Variants in ANTXR1 observed in about 807,000 individuals in gnomAD.
ANTXR1 encodes the protein anthrax toxin receptor 1.
Under a neutral mutation model 78.1 loss-of-function variants are expected in ANTXR1, and 19 were observed. The observed-to-expected ratio is 0.24, with a 90% confidence interval of 0.17 to 0.36. The LOEUF is 0.36. ANTXR1 is among the 10% of genes least tolerant of loss of function. ANTXR1 has a pLI of 1.00. For synonymous variants in ANTXR1, 273 were observed against 260.5 expected (o/e 1.05, Z -0.46); for missense variants, 518 against 718.6 (o/e 0.72, Z 3.19).
intron 1 of ANTXR1, among the ~76,000 whole-genome samples, chr2:69,019,419 T>C (rs59420176): frequency 0.024 from 3,638 of 152,268 alleles, 138 homozygotes; most frequent in African/African-American, 0.083. Context: ...TGTGAATTAT[T>C]TTACTGTTTC....
intron 8 of ANTXR1, among the ~76,000 whole-genome samples, chr2:69,087,680 G>A (rs150236198): frequency 7.9e-5 from 12 of 152,180 alleles, no homozygotes; most frequent in African/African-American, 2.6e-4. Context: ...GCCTTACCCT[G>A]TGTAAGTCTC....
chr2:69,084,737 C>T (rs1328233687), intron 8 of ANTXR1, among the ~76,000 whole-genome samples: 1 of 151,372 alleles, frequency 6.6e-6, no homozygotes, highest in Non-Finnish European at 1.5e-5. Flanking sequence ...GGCCATATTC[C>T]ATTTTTATTT....
intron 17 of ANTXR1, among the ~76,000 whole-genome samples, chr2:69,209,234 C>T (rs1441999144): frequency 1.3e-5 from 2 of 152,182 alleles, no homozygotes; most frequent in South Asian, 2.1e-4. Flanking sequence ...ATATTATCCT[C>T]ACTTTACAAA....
At chr2:69,070,226 C>T (rs866722720) in intron 3 of ANTXR1, among the ~76,000 whole-genome samples, 20 of 152,192 alleles carry the variant, frequency 1.3e-4, no homozygotes, top group Non-Finnish European at 2.2e-4. Context: ...GGATGCCACC[C>T]TCTTCCACCT....
chr2:69,210,389 T>TA (rs1675011328), intron 17 of ANTXR1, among the ~76,000 whole-genome samples: 3 of 152,230 alleles, frequency 2.0e-5, no homozygotes, highest in Admixed American at 2.0e-4. Flanking sequence ...TCAAGGTGAA[T>TA]AAGGAGGCCT....
intron 17 of ANTXR1, among the ~76,000 whole-genome samples, chr2:69,215,994 C>G (rs1295846492): frequency 6.6e-6 from 1 of 152,008 alleles, no homozygotes; most frequent in Non-Finnish European, 1.5e-5. Context: ...CTGTCAGGGG[C>G]CTGAAGAGTG....
intron 14 of ANTXR1, among the ~76,000 whole-genome samples, chr2:69,179,450 A>G (rs1197112309): frequency 1.3e-5 from 2 of 150,908 alleles, no homozygotes; most frequent in African/African-American, 4.9e-5. Context: ...AGGCAGGCTG[A>G]GGTGAGAGAA....
At chr2:69,183,115 ACTAT>A (rs1041844667) in intron 16 of ANTXR1, 1 of 200,974 alleles carries the variant, frequency 5.0e-6, no homozygotes, top group African/African-American at 2.4e-5. Flanking sequence ...CAGACAATCT[ACTAT>A]CTAAGAAAAA....
intron 17 of ANTXR1, among the ~76,000 whole-genome samples, chr2:69,225,234 T>C (rs1417168328): frequency 2.0e-5 from 3 of 152,214 alleles, no homozygotes; most frequent in Non-Finnish European, 4.4e-5. Context: ...TGGATGCCAG[T>C]GTCCAGGGAA....
intron 16 of ANTXR1, among the ~76,000 whole-genome samples, chr2:69,189,295 G>A (rs1674497924): frequency 6.6e-6 from 1 of 152,192 alleles, no homozygotes; most frequent in Non-Finnish European, 1.5e-5. Flanking sequence ...TGCAAGTCGG[G>A]CAGCGCTTTC....
chr2:69,138,497 C>T (rs1181323223), intron 12 of ANTXR1, among the ~76,000 whole-genome samples: 1 of 152,210 alleles, frequency 6.6e-6, no homozygotes, highest in East Asian at 1.9e-4. Context: ...AAACTCCTCC[C>T]TCTGTTCCCT....
At chr2:69,033,646 A>G (rs778375518) in intron 1 of ANTXR1, among the ~76,000 whole-genome samples, 2 of 152,150 alleles carry the variant, frequency 1.3e-5, no homozygotes, top group Admixed American at 6.5e-5. Context: ...TTGGGACCCA[A>G]GTGGGTTGCT....
chr2:69,168,974 G>T (rs1196918472), intron 13 of ANTXR1, among the ~76,000 whole-genome samples: 1 of 152,256 alleles, frequency 6.6e-6, no homozygotes, highest in Admixed American at 6.5e-5. Flanking sequence ...AACAGAACCT[G>T]CAGTGGGAAG....
intron 14 of ANTXR1, among the ~76,000 whole-genome samples, chr2:69,178,105 T>A (rs1227525003): frequency 6.6e-6 from 1 of 152,234 alleles, no homozygotes. Flanking sequence ...AGAGCCTTTA[T>A]GATTTAATGA....
intron 17 of ANTXR1, among the ~76,000 whole-genome samples, chr2:69,201,248 T>G (rs960973174): frequency 6.6e-6 from 1 of 152,138 alleles, no homozygotes; most frequent in Non-Finnish European, 1.5e-5. Flanking sequence ...TGAATGGACA[T>G]TTAAGCTAAG....
intron 14 of ANTXR1, among the ~76,000 whole-genome samples, chr2:69,179,268 C>T (rs1403915224): frequency 6.6e-6 from 1 of 151,990 alleles, no homozygotes; most frequent in Admixed American, 6.5e-5. Flanking sequence ...AAATTAAGTC[C>T]ATGTGCGGTG....
At chr2:69,179,461 T>A (rs998730600) in intron 14 of ANTXR1, among the ~76,000 whole-genome samples, 2 of 151,728 alleles carry the variant, frequency 1.3e-5, no homozygotes, top group Non-Finnish European at 2.9e-5. Context: ...GGTGAGAGAA[T>A]TGCTTGAGCT....
intron 8 of ANTXR1, among the ~76,000 whole-genome samples, chr2:69,085,394 G>A (rs1048844009): frequency 6.6e-5 from 10 of 152,064 alleles, no homozygotes; most frequent in Non-Finnish European, 1.5e-4. Flanking sequence ...TTGGCCTCTT[G>A]GGAAGGCAGC....
intron 17 of ANTXR1, among the ~76,000 whole-genome samples, chr2:69,222,608 G>A (rs892584986): frequency 6.6e-6 from 1 of 152,202 alleles, no homozygotes; most frequent in Non-Finnish European, 1.5e-5. Context: ...CAGCAGACCG[G>A]AAGGGGGCTG....
Sources: gnomAD v4.1 joint callset for allele counts (sites outside exome capture counted in the v4.1 genomes callset) on GRCh38, gnomAD v4.1.1 for gene constraint, MANE v1.5 for transcripts, NCBI Gene and HGNC (gene_info 2026-07-23, HGNC 2026-07-21) for gene names.